Variants in SCRG1 observed in about 807,000 individuals in gnomAD.
SCRG1 encodes scrapie-responsive protein 1.
A neutral mutation model predicts 7.7 loss-of-function variants in SCRG1; 3 were observed. The observed-to-expected ratio is 0.39, with a 90% CI of 0.18 to 1.01. The LOEUF is 1.01. SCRG1 is among the 50% of genes least tolerant of loss of function. The pLI, the probability that SCRG1 is intolerant of heterozygous loss-of-function variation, is 0.36. For synonymous variants in SCRG1, 46 were observed against 41.2 expected, an observed-to-expected ratio of 1.12 and a Z score of -0.44; for missense variants, 110 against 117.2, an observed-to-expected ratio of 0.94 and a Z score of 0.28.
At chr4:173,494,672 A>C in the SCRG1 span, among the ~76,000 whole-genome samples, 33 of 152,252 alleles carry the variant, frequency 2.2e-4, no homozygotes, top group South Asian at 6.8e-3. Flanking sequence ...AGGACCCGGG[A>C]GCTCTTCGTT....
the SCRG1 span, among the ~76,000 whole-genome samples, chr4:173,465,786 C>T: frequency 6.6e-6 from 1 of 151,906 alleles, no homozygotes; most frequent in African/African-American, 2.4e-5. Flanking sequence ...CCTCCGCTTC[C>T]CCCTTCTTGG....
chr4:173,478,667 G>T, the SCRG1 span, among the ~76,000 whole-genome samples: 7 of 152,140 alleles, frequency 4.6e-5, no homozygotes, highest in Non-Finnish European at 7.4e-5. Context: ...TTTTAAGTGA[G>T]ACCACAGTAC....
At chr4:173,418,334 C>T in the SCRG1 span, among the ~76,000 whole-genome samples, 4 of 152,182 alleles carry the variant, frequency 2.6e-5, no homozygotes, top group Non-Finnish European at 4.4e-5. Context: ...TGACCTCCCC[C>T]GTGAGAACAG....
At chr4:173,389,272 C>G (rs1157635264) in intron 2 of SCRG1, among the ~76,000 whole-genome samples, 1 of 152,140 alleles carries the variant, frequency 6.6e-6, no homozygotes, top group African/African-American at 2.4e-5. Context: ...CAGTGGTTCA[C>G]GCCTGTAATC....
At chr4:173,427,978 A>G in the SCRG1 span, among the ~76,000 whole-genome samples, 1 of 152,354 alleles carries the variant, frequency 6.6e-6, no homozygotes, top group East Asian at 1.9e-4. Flanking sequence ...TGTATAGACG[A>G]CCTATGCATA....
At chr4:173,484,467 TA>T in the SCRG1 span, among the ~76,000 whole-genome samples, 1 of 17,844 alleles carries the variant, frequency 5.6e-5, no homozygotes, top group African/African-American at 1.5e-4. Flanking sequence ...TATATACATA[TA>T]ATATATAATA....
At chr4:173,451,827 T>C in the SCRG1 span, among the ~76,000 whole-genome samples, 62 of 152,184 alleles carry the variant, frequency 4.1e-4, no homozygotes, top group African/African-American at 1.4e-3. Flanking sequence ...GAAGGAATCA[T>C]GCAAAATTTG....
chr4:173,432,296 TC>T, the SCRG1 span, among the ~76,000 whole-genome samples: 3,524 of 127,510 alleles, frequency 0.028, 78 homozygotes, highest in Admixed American at 0.071. Context: ...CCTTCCTTCC[TC>T]CCCCCCTCCC....
At chr4:173,454,482 T>A in the SCRG1 span, among the ~76,000 whole-genome samples, 3 of 152,186 alleles carry the variant, frequency 2.0e-5, no homozygotes, top group African/African-American at 7.2e-5. Flanking sequence ...GATATATACC[T>A]GTATTTACTC....
the SCRG1 span, among the ~76,000 whole-genome samples, chr4:173,509,568 G>A: frequency 2.6e-5 from 4 of 152,144 alleles, no homozygotes; most frequent in Non-Finnish European, 5.9e-5. This position sits in a 1 kb window ranked among gnomAD's most constrained non-coding sequence, Gnocchi z 5.7. Flanking sequence ...GGCGGCTGCC[G>A]GGCAAAAACC....
the SCRG1 span, among the ~76,000 whole-genome samples, chr4:173,433,274 A>G: frequency 1.3e-5 from 2 of 152,246 alleles, no homozygotes; most frequent in Non-Finnish European, 2.9e-5. Context: ...AAAATAAAGC[A>G]AGTTCCTTTA....
chr4:173,470,575 A>G, the SCRG1 span, among the ~76,000 whole-genome samples: 1 of 152,220 alleles, frequency 6.6e-6, no homozygotes, highest in Non-Finnish European at 1.5e-5. Flanking sequence ...CTTCATAAAG[A>G]CATTTACTTA....
At chr4:173,444,610 A>G in the SCRG1 span, among the ~76,000 whole-genome samples, 4 of 152,122 alleles carry the variant, frequency 2.6e-5, no homozygotes, top group Admixed American at 2.0e-4. Flanking sequence ...TGGTCATACT[A>G]TTTCCCTCAA....
intron 1 of SCRG1, among the ~76,000 whole-genome samples, chr4:173,394,575 C>T (rs1739546014): frequency 6.6e-6 from 1 of 151,968 alleles, no homozygotes; most frequent in Non-Finnish European, 1.5e-5. Flanking sequence ...ACCCAGGAGG[C>T]AGAGATTGTA....
At chr4:173,388,719 A>G (rs1289039454) in intron 2 of SCRG1, among the ~76,000 whole-genome samples, 1 of 152,244 alleles carries the variant, frequency 6.6e-6, no homozygotes, top group Non-Finnish European at 1.5e-5. Flanking sequence ...CATGAAGTTT[A>G]AATCTGCAGT....
At chr4:173,469,222 T>C in the SCRG1 span, 1 of 152,324 alleles carries the variant, frequency 6.6e-6, no homozygotes, top group East Asian at 1.9e-4. Context: ...ACTCAGGAAT[T>C]GCTTAGAGAA....
the SCRG1 span, among the ~76,000 whole-genome samples, chr4:173,433,543 A>C: frequency 6.6e-6 from 1 of 152,302 alleles, no homozygotes; most frequent in South Asian, 2.1e-4. Context: ...AAGACTCTGA[A>C]AAGTGCATTT....
chr4:173,431,417 T>C, the SCRG1 span, among the ~76,000 whole-genome samples: 1 of 152,208 alleles, frequency 6.6e-6, no homozygotes, highest in African/African-American at 2.4e-5. Flanking sequence ...AAGTGAAGCA[T>C]GACAAACCCA....
chr4:173,446,948 C>T, the SCRG1 span, among the ~76,000 whole-genome samples: 1 of 152,160 alleles, frequency 6.6e-6, no homozygotes, highest in African/African-American at 2.4e-5. Context: ...CCATGTGAGA[C>T]AGTCACTTCA....
Sources: allele counts gnomAD v4.1 joint callset (sites outside exome capture counted in the v4.1 genomes callset), GRCh38; gene constraint gnomAD v4.1.1; non-coding constraint Gnocchi (gnomAD v3.1); transcripts MANE v1.5; gene names NCBI Gene and HGNC (gene_info 2026-07-23, HGNC 2026-07-21).